DTNBP1: variants seen among roughly 807,000 people sequenced by gnomAD.
DTNBP1 encodes the protein dysbindin.
A neutral mutation model predicts 42.8 loss-of-function variants in DTNBP1; 35 were observed. The observed-to-expected ratio is 0.82, with a 90% CI of 0.63 to 1.09. The LOEUF is 1.09. DTNBP1 is among the 50% of genes least tolerant of loss of function. The probability of loss-of-function intolerance (pLI) is 0.00; values close to 1 mark genes in which losing one functional copy is unlikely to be tolerated. For missense variants in DTNBP1, 457 were observed against 424.2 expected, an observed-to-expected ratio of 1.08 and a Z score of -0.68; for synonymous variants, 171 against 162.2, an observed-to-expected ratio of 1.05 and a Z score of -0.41.
At chr6:15,594,023 T>C (rs956604322) in intron 6 of DTNBP1, among the ~76,000 whole-genome samples, 6 of 152,214 alleles carry the variant, frequency 3.9e-5, no homozygotes, top group African/African-American at 1.4e-4. Context: ...AAAGGCCAAG[T>C]AGATAATGTT....
chr6:15,650,348 CCGCAACCCCTGCCGAGAT>C (rs750533719), intron 3 of DTNBP1, among the ~76,000 whole-genome samples: 1 of 152,184 alleles, frequency 6.6e-6, no homozygotes, highest in Non-Finnish European at 1.5e-5. Flanking sequence ...TCTCGGCTCA[CCGCAACCCCTGCCGAGAT>C]CGCACCATTG....
At chr6:15,648,982 G>T (rs1206532044) in intron 3 of DTNBP1, among the ~76,000 whole-genome samples, 1 of 150,612 alleles carries the variant, frequency 6.6e-6, no homozygotes, top group Non-Finnish European at 1.5e-5. Flanking sequence ...ATACTCATTA[G>T]AGTAGCTATA....
At chr6:15,524,306 G>A in intron 9 of DTNBP1, 2 of 1,610,794 alleles carry the variant, frequency 1.2e-6, no homozygotes, top group Non-Finnish European at 8.5e-7. Context: ...TTACCGGAGT[G>A]GAGCATGTCA....
At chr6:15,568,327 A>C (rs1241483157) in intron 7 of DTNBP1, among the ~76,000 whole-genome samples, 2 of 152,220 alleles carry the variant, frequency 1.3e-5, no homozygotes, top group Non-Finnish European at 2.9e-5. Context: ...ACTATTCATC[A>C]AAGTTAACAT....
intron 7 of DTNBP1, among the ~76,000 whole-genome samples, chr6:15,588,794 C>T (rs1776179745): frequency 6.6e-6 from 1 of 152,216 alleles, no homozygotes; most frequent in South Asian, 2.1e-4. Flanking sequence ...TGCATCTTTA[C>T]AACTGTTCTT....
chr6:15,528,906 C>A (rs1051151222), intron 8 of DTNBP1, among the ~76,000 whole-genome samples: 3 of 152,238 alleles, frequency 2.0e-5, no homozygotes, highest in African/African-American at 7.2e-5. Flanking sequence ...TTGAACAGCC[C>A]TCCAGGGGAC....
At chr6:15,559,686 C>T (rs1024245841) in intron 7 of DTNBP1, among the ~76,000 whole-genome samples, 6 of 152,166 alleles carry the variant, frequency 3.9e-5, no homozygotes, top group African/African-American at 1.4e-4. Context: ...GCAACACCAG[C>T]AGCTGGCATT....
chr6:15,546,032 C>G (rs1773851339), intron 7 of DTNBP1: 1 of 446,186 alleles, frequency 2.2e-6, no homozygotes, highest in Admixed American at 2.5e-5. Context: ...GTGGAGCTGG[C>G]TGAATATGGA....
chr6:15,550,331 G>A (rs1451360806), intron 7 of DTNBP1, among the ~76,000 whole-genome samples: 4 of 151,984 alleles, frequency 2.6e-5, no homozygotes, highest in East Asian at 1.9e-4. Context: ...GGCAATTTAC[G>A]AGATAGTATG....
At position 15,662,912 on chromosome 6, in the gene DTNBP1, G is replaced by A. The variant is rs1176374050; in HGVS notation, c.-43C>T. The A allele has an allele frequency of 6.3e-7, 1 of 1,599,808 alleles. No individual in the cohort carries two copies. Among genetic ancestry groups the A allele is most frequent in the Non-Finnish European group, 8.5e-7 (1 of 1,178,770 alleles). On this transcript the variant is annotated 5_prime_UTR_variant, in exon 1 of 10. Transcript: ENST00000344537. ...TCCTCTCCTCAGGCCTCGGGCTGCT[G>A]CTGCCTCTGTCGCCCCCTGGGTCCC...
chr6:15,569,204 C>A (rs1409469413), intron 7 of DTNBP1, among the ~76,000 whole-genome samples: 2 of 152,132 alleles, frequency 1.3e-5, no homozygotes, highest in African/African-American at 2.4e-5. Flanking sequence ...ACCTTAGAAT[C>A]ATAACGTTTT....
intron 8 of DTNBP1, among the ~76,000 whole-genome samples, chr6:15,531,731 T>G (rs1037345530): frequency 2.0e-5 from 3 of 152,178 alleles, no homozygotes; most frequent in African/African-American, 7.2e-5. Flanking sequence ...CCTCCCGGGT[T>G]CAAGTGATTC....
chr6:15,552,884 A>G (rs886337771), intron 7 of DTNBP1, among the ~76,000 whole-genome samples: 1 of 152,210 alleles, frequency 6.6e-6, no homozygotes, highest in African/African-American at 2.4e-5. Context: ...TTCTAAGCAC[A>G]AAGTAGAAAC....
rs368384228 is a variant in DTNBP1 at position 15,539,325 on chromosome 6, C to T, written c.512-5930G>A. 2.0e-3 allele frequency among the ~76,000 whole-genome samples: 300 copies of T among 152,330 alleles called. 1 individual carries two copies. The highest frequency in any genetic ancestry group is 2.7e-3 in the Non-Finnish European group (181 of 68,030). ...TGCTACCTCATCCCACATGTGTTTA[C>T]GTGAAGACGGTCTGCCACAGTGGGA... On this transcript the variant is annotated intron_variant, in intron 7 of 9. Coordinates refer to ENST00000344537, the MANE Select transcript of DTNBP1 (RefSeq NM_032122.5).
At chr6:15,584,748 T>C (rs1775990819) in intron 7 of DTNBP1, among the ~76,000 whole-genome samples, 1 of 146,348 alleles carries the variant, frequency 6.8e-6, no homozygotes, top group Admixed American at 6.8e-5. Flanking sequence ...AGAAGTGGCT[T>C]CTACCTGACA....
chr6:15,599,837 A>T (rs1456422098), intron 6 of DTNBP1, among the ~76,000 whole-genome samples: 1 of 152,218 alleles, frequency 6.6e-6, no homozygotes, highest in African/African-American at 2.4e-5. Flanking sequence ...TTACAAATTT[A>T]AAAAATTTAT....
chr6:15,568,993 T>C (rs1775218908), intron 7 of DTNBP1, among the ~76,000 whole-genome samples: 1 of 152,164 alleles, frequency 6.6e-6, no homozygotes, highest in Admixed American at 6.5e-5. Context: ...TGTACTTTTT[T>C]CCCCTTACAA....
intron 7 of DTNBP1, among the ~76,000 whole-genome samples, chr6:15,589,366 C>A (rs1433290380): frequency 6.6e-6 from 1 of 152,244 alleles, no homozygotes; most frequent in African/African-American, 2.4e-5. Flanking sequence ...ACCTCAACCA[C>A]TAAAAGTGTT....
At chr6:15,557,246 ATT>A (rs34529397) in intron 7 of DTNBP1, among the ~76,000 whole-genome samples, 53 of 135,018 alleles carry the variant, frequency 3.9e-4, no homozygotes, top group Admixed American at 7.5e-4. Flanking sequence ...GGGGGTGGGA[ATT>A]TTTTTTTTTT....
Sources: allele counts gnomAD v4.1 joint callset (sites outside exome capture counted in the v4.1 genomes callset), GRCh38; gene constraint gnomAD v4.1.1; transcripts MANE v1.5; gene names NCBI Gene and HGNC (gene_info 2026-07-23, HGNC 2026-07-21).